Variants in BCL11B observed in about 807,000 individuals in gnomAD.
The protein encoded by BCL11B is B-cell lymphoma/leukemia 11B.
Under a neutral mutation model 49.9 loss-of-function variants are expected in BCL11B, and 8 were observed. That is an observed-to-expected ratio of 0.16 (90% CI 0.09 to 0.29). BCL11B has a LOEUF of 0.29. Ranked by LOEUF, BCL11B falls within the 10% of genes least tolerant of loss-of-function variation. BCL11B has a pLI of 1.00. For synonymous variants in BCL11B, 739 were observed against 637.4 expected (o/e 1.16, Z -2.40); for missense variants, 1,006 against 1,351.0 (o/e 0.74, Z 4.00).
intron 2 of BCL11B, among the ~76,000 whole-genome samples, chr14:99,252,251 T>G (rs986578292): frequency 3.3e-5 from 5 of 152,150 alleles, no homozygotes; most frequent in Non-Finnish European, 5.9e-5. Flanking sequence ...ACAACACACA[T>G]GGATTTAACG....
At chr14:99,269,982 C>T (rs1188509408) in intron 1 of BCL11B, among the ~76,000 whole-genome samples, 2 of 151,602 alleles carry the variant, frequency 1.3e-5, no homozygotes, top group Non-Finnish European at 1.5e-5. Flanking sequence ...GAAGCCGCCC[C>T]GCGGGCTGCG....
chr14:99,268,628 GCT>G (rs1889555994), intron 1 of BCL11B, among the ~76,000 whole-genome samples: 1 of 151,888 alleles, frequency 6.6e-6, no homozygotes, highest in African/African-American at 2.4e-5. Context: ...TCCCCTGCTT[GCT>G]CTCCCACCTC....
chr14:99,264,506 T>TC (rs938428633), intron 1 of BCL11B: 5 of 151,988 alleles, frequency 3.3e-5, no homozygotes, highest in Non-Finnish European at 5.9e-5. Flanking sequence ...GATTTTTTTT[T>TC]TCTTTTTTTA....
intron 3 of BCL11B, among the ~76,000 whole-genome samples, chr14:99,215,375 G>GC (rs1887804549): frequency 6.6e-6 from 1 of 152,218 alleles, no homozygotes; most frequent in African/African-American, 2.4e-5. Flanking sequence ...TGTGGCCGCG[G>GC]CCCCTGCCAA....
chr14:99,247,020 T>C lies in BCL11B; in HGVS notation c.427+10451A>G, dbSNP rs1275471277. Among the ~76,000 whole-genome samples, 1 of 152,052 alleles carries C rather than the reference T, an allele frequency of 6.6e-6. No homozygotes were observed. The highest frequency in any genetic ancestry group is 1.5e-5 in the Non-Finnish European group (1 of 68,002). On this transcript the variant is annotated intron_variant, in intron 2 of 3. Coordinates refer to ENST00000357195, the MANE Select transcript of BCL11B (RefSeq NM_138576.4). The surrounding 1 kb of genome is among the most constrained non-coding windows in gnomAD (Gnocchi z 4.5). Reference sequence around the variant, plus strand: ...CCAGAGGGCTCCGCAGCCTGGAGCCTCGCGTCCCGCCTCCCCGCAACACGC... The same window carrying C: ...CCAGAGGGCTCCGCAGCCTGGAGCCCCGCGTCCCGCCTCCCCGCAACACGC...
intron 3 of BCL11B, among the ~76,000 whole-genome samples, chr14:99,199,681 TGTGCGCGCGC>T (rs1887299949): frequency 1.4e-5 from 1 of 71,002 alleles, no homozygotes; most frequent in South Asian, 3.7e-4. Flanking sequence ...TGTGTGTGTG[TGTGCGCGCGC>T]GCGCGCACGT....
rs985411464 is a variant in BCL11B, at chr14:99,172,011, C to T, written c.*2140G>A. On this transcript the variant is annotated 3_prime_UTR_variant, in exon 4 of 4. Coordinates refer to ENST00000357195, the MANE Select transcript of BCL11B (RefSeq NM_138576.4). ...AACAATATACACGCGGCCACTGTGG[C>T]ATTTTTGTATAACCTATTAAGCAAA... The T allele has an allele frequency of 4.8e-6, 1 of 208,088 alleles. No homozygotes were observed. The highest frequency in any genetic ancestry group is 2.3e-5 in the African/African-American group (1 of 43,744). The allele number at this position is 208,088 out of a possible 1,614,324, so 12.9% of individuals were successfully genotyped here.
At chr14:99,261,082 C>G (rs1320104410) in intron 1 of BCL11B, among the ~76,000 whole-genome samples, 1 of 152,230 alleles carries the variant, frequency 6.6e-6, no homozygotes, top group Non-Finnish European at 1.5e-5. Flanking sequence ...TCCCCACCAC[C>G]CAGGCTGTGG....
At chr14:99,200,562 C>T (rs1181775974) in intron 3 of BCL11B, among the ~76,000 whole-genome samples, 1 of 152,226 alleles carries the variant, frequency 6.6e-6, no homozygotes, top group Non-Finnish European at 1.5e-5. Context: ...AAATCTCTGC[C>T]TGGGCCCAGG....
At chr14:99,191,697 C>G (rs932716636) in intron 3 of BCL11B, among the ~76,000 whole-genome samples, 1 of 151,272 alleles carries the variant, frequency 6.6e-6, no homozygotes, top group Non-Finnish European at 1.5e-5. Context: ...TTTGTCAGCA[C>G]CCCCCTGCCC....
chr14:99,199,711 T>TGC (rs1566806831), intron 3 of BCL11B, among the ~76,000 whole-genome samples: 123 of 129,664 alleles, frequency 9.5e-4, no homozygotes, highest in East Asian at 1.7e-3. Context: ...TGCACGTGTG[T>TGC]GCGTGTGTGC....
chr14:99,231,664 C>T lies in BCL11B; in HGVS notation c.428-107G>A, dbSNP rs560726999. ...GTGGGGCTCTGCTCAGGCCACCCTT[C>T]GGGGGTGGGAGGCCCCCGGGGTGCC... On this transcript the variant is annotated intron_variant, in intron 2 of 3. Coordinates refer to ENST00000357195, the MANE Select transcript of BCL11B (RefSeq NM_138576.4). The surrounding 1 kb of genome is among the most constrained non-coding windows in gnomAD (Gnocchi z 8.1). 2,478 of 1,030,382 alleles carry T rather than the reference C, an allele frequency of 2.4e-3. 44 individuals are homozygous for T. In the African/African-American group the frequency reaches 0.038, roughly 16 times the overall value. 63.8% of individuals were successfully genotyped at this position (1,030,382 alleles called of 1,614,324 possible).
intron 3 of BCL11B, among the ~76,000 whole-genome samples, chr14:99,229,602 C>A (rs868334247): frequency 2.0e-5 from 3 of 152,192 alleles, no homozygotes; most frequent in African/African-American, 7.2e-5. Flanking sequence ...GGCCTGGCCA[C>A]ATGAGGGAGC....
chr14:99,240,459 T>G (rs1437639341), intron 2 of BCL11B, among the ~76,000 whole-genome samples: 1 of 152,234 alleles, frequency 6.6e-6, no homozygotes, highest in Non-Finnish European at 1.5e-5. Flanking sequence ...ATCTTTTCTA[T>G]GGCCTCTTTA....
chr14:99,198,875 ACT>A (rs1410019013), intron 3 of BCL11B, among the ~76,000 whole-genome samples: 2 of 151,754 alleles, frequency 1.3e-5, no homozygotes, highest in Admixed American at 6.6e-5. Context: ...CAGGCTTCCG[ACT>A]CTCTGCATTC....
intron 3 of BCL11B, among the ~76,000 whole-genome samples, chr14:99,227,693 G>A (rs577378275): frequency 1.3e-5 from 2 of 152,148 alleles, no homozygotes; most frequent in African/African-American, 4.8e-5. Flanking sequence ...ACATACATAC[G>A]TGTATTTTTA....
intron 3 of BCL11B, among the ~76,000 whole-genome samples, chr14:99,209,313 G>A (rs569516433): frequency 3.9e-4 from 59 of 152,160 alleles, no homozygotes; most frequent in African/African-American, 1.3e-3. Flanking sequence ...CCAAAACTCC[G>A]CTTCTTGTTT....
chr14:99,202,722 C>T (rs560072332), intron 3 of BCL11B, among the ~76,000 whole-genome samples: 90 of 152,268 alleles, frequency 5.9e-4, no homozygotes, highest in African/African-American at 2.1e-3. Context: ...GCAGTCCAAC[C>T]TCCCCAGCCT....
chr14:99,197,734 C>A (rs1324026574), intron 3 of BCL11B, among the ~76,000 whole-genome samples: 1 of 152,158 alleles, frequency 6.6e-6, no homozygotes, highest in African/African-American at 2.4e-5. Flanking sequence ...CAGCCAGAAA[C>A]GAAGCAGACA....
Sources: gnomAD v4.1 joint callset for allele counts (sites outside exome capture counted in the v4.1 genomes callset) on GRCh38, gnomAD v4.1.1 for gene constraint, Gnocchi (gnomAD v3.1) non-coding constraint, MANE v1.5 for transcripts, NCBI Gene and HGNC (gene_info 2026-07-23, HGNC 2026-07-21) for gene names.